The following PPARGC1A variants were observed in gnomAD, a reference collection of about 807,000 sequenced individuals.
PPARGC1A encodes PPARG coactivator 1 alpha, also known as peroxisome proliferator-activated receptor gamma coactivator 1-alpha.
A neutral mutation model predicts 88.7 loss-of-function variants in PPARGC1A; 25 were observed. That is an observed-to-expected ratio of 0.28 (90% CI 0.21 to 0.39). The LOEUF is 0.39. Among genes scored for constraint, PPARGC1A ranks in the 10% least tolerant of loss-of-function variants. The pLI, the probability that PPARGC1A is intolerant of heterozygous loss-of-function variation, is 1.00. For missense variants in PPARGC1A, 880 were observed against 968.7 expected (o/e 0.91, Z 1.22); for synonymous variants, 363 against 355.6 (o/e 1.02, Z -0.24).
the PPARGC1A span, among the ~76,000 whole-genome samples, chr4:24,329,821 GAT>G: frequency 6.6e-6 from 1 of 152,212 alleles, no homozygotes. Flanking sequence ...GTGCACAAAA[GAT>G]ATTGACTGCC....
At chr4:24,397,770 C>T in the PPARGC1A span, among the ~76,000 whole-genome samples, 1 of 152,210 alleles carries the variant, frequency 6.6e-6, no homozygotes, top group South Asian at 2.1e-4. Flanking sequence ...CCAAATCTAA[C>T]TGCAGACAAC....
the PPARGC1A span, among the ~76,000 whole-genome samples, chr4:24,123,521 G>A: frequency 1.8e-4 from 28 of 152,158 alleles, no homozygotes; most frequent in East Asian, 3.9e-3. Context: ...ACAAAGCCCC[G>A]ATTATCAAGA....
the PPARGC1A span, among the ~76,000 whole-genome samples, chr4:24,198,331 T>C: frequency 6.6e-6 from 1 of 152,144 alleles, no homozygotes; most frequent in African/African-American, 2.4e-5. Context: ...TCTGTTCAGA[T>C]CCATCCAATT....
At chr4:24,350,682 G>T in the PPARGC1A span, among the ~76,000 whole-genome samples, 2 of 152,200 alleles carry the variant, frequency 1.3e-5, no homozygotes, top group African/African-American at 4.8e-5. Context: ...TAGATGACTT[G>T]AACCAAGGAA....
At chr4:24,310,788 T>C in the PPARGC1A span, among the ~76,000 whole-genome samples, 3 of 152,206 alleles carry the variant, frequency 2.0e-5, no homozygotes, top group Non-Finnish European at 4.4e-5. Flanking sequence ...ATATCTGAGA[T>C]ACGATGTGAA....
At chr4:24,470,721 C>G in the PPARGC1A span, among the ~76,000 whole-genome samples, 3 of 151,852 alleles carry the variant, frequency 2.0e-5, no homozygotes, top group Admixed American at 6.6e-5. This position sits in a 1 kb window ranked among gnomAD's most constrained non-coding sequence, Gnocchi z 5.8. Flanking sequence ...CCCCCACCCG[C>G]GGCGGCGGCC....
At chr4:24,191,947 T>A in the PPARGC1A span, among the ~76,000 whole-genome samples, 1 of 151,978 alleles carries the variant, frequency 6.6e-6, no homozygotes, top group Non-Finnish European at 1.5e-5. Context: ...CCATTCAGAG[T>A]TCTTGGAGAC....
chr4:23,918,888 T>C, the PPARGC1A span, among the ~76,000 whole-genome samples: 1 of 152,100 alleles, frequency 6.6e-6, no homozygotes, highest in Non-Finnish European at 1.5e-5. Flanking sequence ...GATTTGCAAT[T>C]CCTATCCTAT....
At chr4:23,850,757 C>CT (rs1233051969) in intron 2 of PPARGC1A, among the ~76,000 whole-genome samples, 1 of 152,054 alleles carries the variant, frequency 6.6e-6, no homozygotes, top group Non-Finnish European at 1.5e-5. Flanking sequence ...ATTAAATCAC[C>CT]TTTTTACGTA....
the PPARGC1A span, among the ~76,000 whole-genome samples, chr4:24,304,089 A>C: frequency 6.6e-6 from 1 of 152,220 alleles, no homozygotes; most frequent in Non-Finnish European, 1.5e-5. Context: ...GACTCAGTCA[A>C]CCCGAGGACA....
At chr4:24,376,216 G>A in the PPARGC1A span, among the ~76,000 whole-genome samples, 2 of 152,108 alleles carry the variant, frequency 1.3e-5, no homozygotes, top group African/African-American at 4.8e-5. Flanking sequence ...AGCATATACG[G>A]TTCCCACCAC....
chr4:23,899,569 G>A (rs545196383), upstream of PPARGC1A, among the ~76,000 whole-genome samples: 4 of 152,212 alleles, frequency 2.6e-5, no homozygotes, highest in African/African-American at 4.8e-5. Flanking sequence ...TGAAAGTATG[G>A]CCAAATATAT....
chr4:23,881,305 G>A (rs1269592859), intron 2 of PPARGC1A: 1 of 152,076 alleles, frequency 6.6e-6, no homozygotes, highest in Non-Finnish European at 1.5e-5. Flanking sequence ...ATCGTACCTG[G>A]TCACCTGCAT....
At chr4:24,416,079 T>G in the PPARGC1A span, among the ~76,000 whole-genome samples, 1 of 152,192 alleles carries the variant, frequency 6.6e-6, no homozygotes, top group African/African-American at 2.4e-5. Flanking sequence ...TAATCGTGTT[T>G]TAAGACCTTA....
chr4:24,387,768 G>C, the PPARGC1A span, among the ~76,000 whole-genome samples: 1 of 63,442 alleles, frequency 1.6e-5, no homozygotes, highest in East Asian at 4.1e-4. Flanking sequence ...GAGAGAGAGA[G>C]AAAGAAAGAA....
the PPARGC1A span, among the ~76,000 whole-genome samples, chr4:24,184,654 T>C: frequency 1.3e-5 from 2 of 152,328 alleles, no homozygotes; most frequent in East Asian, 3.9e-4. Flanking sequence ...GATGCTGCTC[T>C]TGGTGCTGGT....
At chr4:23,824,184 C>T in intron 7 of PPARGC1A, 96 bp downstream of exon 7, 1 of 968,234 alleles carries the variant, frequency 1.0e-6, no homozygotes, top group East Asian at 2.5e-5. Context: ...TTGTTAATTT[C>T]ATTAACCACA....
chr4:24,141,678 G>A, the PPARGC1A span, among the ~76,000 whole-genome samples: 6 of 152,200 alleles, frequency 3.9e-5, no homozygotes, highest in African/African-American at 1.4e-4. Context: ...TTCAAAGAGA[G>A]GAGCTGGTGA....
the PPARGC1A span, among the ~76,000 whole-genome samples, chr4:23,942,397 G>A: frequency 2.6e-5 from 4 of 152,186 alleles, no homozygotes; most frequent in African/African-American, 9.6e-5. Flanking sequence ...AACAGAACTA[G>A]TGGATTTGGC....
Sources: allele counts gnomAD v4.1 joint callset (sites outside exome capture counted in the v4.1 genomes callset), GRCh38; gene constraint gnomAD v4.1.1; non-coding constraint Gnocchi (gnomAD v3.1); transcripts MANE v1.5; gene names NCBI Gene and HGNC (gene_info 2026-07-23, HGNC 2026-07-21).